Variants in DPYD observed in about 807,000 individuals in gnomAD.
The protein encoded by DPYD is dihydropyrimidine dehydrogenase.
A neutral mutation model predicts 116.2 loss-of-function variants in DPYD; 109 were observed. The ratio of observed to expected loss-of-function variants is 0.94; its 90% confidence interval spans 0.80 to 1.10. DPYD has a LOEUF of 1.10. Ranked by LOEUF, DPYD falls within the 50% of genes least tolerant of loss-of-function variation. The probability of loss-of-function intolerance (pLI) is 0.00; values close to 1 mark genes in which losing one functional copy is unlikely to be tolerated. For synonymous variants in DPYD, 440 were observed against 432.0 expected, an observed-to-expected ratio of 1.02 and a Z score of -0.23; for missense variants, 1,302 against 1,254.5, an observed-to-expected ratio of 1.04 and a Z score of -0.57.
intron 2 of DPYD, among the ~76,000 whole-genome samples, chr1:97,867,356 A>G (rs1218614248): frequency 1.3e-5 from 2 of 151,898 alleles, no homozygotes; most frequent in Non-Finnish European, 2.9e-5. Context: ...GAAGAACCAT[A>G]TGAATAATTG....
chr1:97,126,424 C>G (rs1486261674), intron 20 of DPYD, among the ~76,000 whole-genome samples: 3 of 152,126 alleles, frequency 2.0e-5, no homozygotes, highest in African/African-American at 7.2e-5. Flanking sequence ...CAAGCTTGTA[C>G]CAAATCAAAT....
At chr1:97,330,136 CT>C (rs1007809371) in intron 16 of DPYD, among the ~76,000 whole-genome samples, 85 of 151,958 alleles carry the variant, frequency 5.6e-4, no homozygotes, top group African/African-American at 1.9e-3. Context: ...ATTAAATTTC[CT>C]GTATTTTGCC....
At chr1:97,299,715 A>T (rs1666748756) in intron 18 of DPYD, among the ~76,000 whole-genome samples, 1 of 152,094 alleles carries the variant, frequency 6.6e-6, no homozygotes, top group African/African-American at 2.4e-5. Flanking sequence ...GCTGTACCTC[A>T]GACTCAGCAC....
intron 13 of DPYD, among the ~76,000 whole-genome samples, chr1:97,460,929 C>T (rs1374385311): frequency 6.6e-6 from 1 of 151,330 alleles, no homozygotes; most frequent in Non-Finnish European, 1.5e-5. Flanking sequence ...CCCAGCTACT[C>T]GGGAGGCTGA....
At chr1:97,292,891 T>G (rs1666304104) in intron 18 of DPYD, among the ~76,000 whole-genome samples, 1 of 152,134 alleles carries the variant, frequency 6.6e-6, no homozygotes, top group South Asian at 2.1e-4. Flanking sequence ...CTATTATGTT[T>G]TCATTTTAAC....
chr1:97,241,519 A>C (rs1270310615), intron 18 of DPYD, among the ~76,000 whole-genome samples: 1 of 152,018 alleles, frequency 6.6e-6, no homozygotes, highest in African/African-American at 2.4e-5. Context: ...CTGCGACATG[A>C]AAGTTCCCAT....
intron 18 of DPYD, among the ~76,000 whole-genome samples, chr1:97,291,508 TA>T (rs1666168494): frequency 6.6e-6 from 1 of 152,134 alleles, no homozygotes; most frequent in Non-Finnish European, 1.5e-5. Flanking sequence ...TATGCAGCCA[TA>T]AAAAATGATG....
chr1:97,390,031 A>G (rs1486365214), intron 14 of DPYD, among the ~76,000 whole-genome samples: 2 of 152,096 alleles, frequency 1.3e-5, no homozygotes, highest in Non-Finnish European at 2.9e-5. Flanking sequence ...ATTTCATTAA[A>G]GTTTACACAT....
At chr1:97,692,728 CA>C (rs1661077583) in intron 6 of DPYD, among the ~76,000 whole-genome samples, 1 of 151,984 alleles carries the variant, frequency 6.6e-6, no homozygotes, top group Admixed American at 6.5e-5. Context: ...GAAGGATACA[CA>C]AAAGATAATT....
At chr1:97,807,886 T>C (rs1361885908) in intron 3 of DPYD, among the ~76,000 whole-genome samples, 2 of 152,078 alleles carry the variant, frequency 1.3e-5, no homozygotes, top group Non-Finnish European at 1.5e-5. Flanking sequence ...TCCAGTATCA[T>C]TTATCGATTG....
At chr1:97,414,350 T>A (rs1236003494) in intron 14 of DPYD, among the ~76,000 whole-genome samples, 1 of 152,222 alleles carries the variant, frequency 6.6e-6, no homozygotes, top group Non-Finnish European at 1.5e-5. Flanking sequence ...TTAAGGCAAA[T>A]ATACAGTAGA....
chr1:97,678,989 T>C (rs942269359), intron 8 of DPYD, 106 bp downstream of exon 8: 4 of 519,408 alleles, frequency 7.7e-6, no homozygotes, highest in Non-Finnish European at 1.3e-5. Context: ...CCTGAACAAA[T>C]ATAACTTTCA....
intron 5 of DPYD, among the ~76,000 whole-genome samples, chr1:97,712,349 A>C (rs1662335687): frequency 6.6e-6 from 1 of 151,936 alleles, no homozygotes; most frequent in Non-Finnish European, 1.5e-5. Flanking sequence ...CCCAAAACTG[A>C]CCTTTTCTAT....
chr1:97,445,893 T>C (rs1358487662), intron 14 of DPYD, among the ~76,000 whole-genome samples: 2 of 151,928 alleles, frequency 1.3e-5, no homozygotes, highest in Non-Finnish European at 2.9e-5. Flanking sequence ...GCCTGACTAA[T>C]TTTTTGTATT....
chr1:97,373,681 G>A (rs1671429183), intron 15 of DPYD, 37 bp from the exon 16 acceptor site: 3 of 1,576,078 alleles, frequency 1.9e-6, no homozygotes, highest in South Asian at 2.2e-5. Context: ...AAAAGGCAAA[G>A]CTTTATTTAT....
intron 3 of DPYD, among the ~76,000 whole-genome samples, chr1:97,785,716 G>A (rs1430929833): frequency 5.5e-4 from 63 of 114,194 alleles, no homozygotes; most frequent in African/African-American, 2.2e-3. Context: ...TTTTTTAGAC[G>A]GAGTCTCGCT....
chr1:97,798,617 G>T (rs17117198), intron 3 of DPYD, among the ~76,000 whole-genome samples: 4,330 of 151,896 alleles, frequency 0.029, 202 homozygotes, highest in African/African-American at 0.095. Context: ...GTCCATGTAC[G>T]TACAATATGG....
chr1:97,586,788 T>C (rs974942336), intron 10 of DPYD, among the ~76,000 whole-genome samples: 2 of 151,842 alleles, frequency 1.3e-5, no homozygotes, highest in Admixed American at 6.6e-5. Context: ...TTCTTTATAC[T>C]CATGTCTTGA....
Position 97,685,790 on chromosome 1 carries a change from C to T in DPYD, c.762+5927G>A, listed in dbSNP as rs143460174. Among the ~76,000 whole-genome samples, 13 of 152,190 alleles carry T rather than the reference C, an allele frequency of 8.5e-5. No homozygotes were observed. The East Asian group carries it at 1.9e-3, about 23-fold the overall frequency. Reference sequence around the variant, plus strand: ...ACAACTAACAAGGAAAGTGAAAAACCTCTTCAAGAAGAACTACAAATCACT... The same window carrying T: ...ACAACTAACAAGGAAAGTGAAAAACTTCTTCAAGAAGAACTACAAATCACT... On this transcript the variant is annotated intron_variant, in intron 7 of 22. Coordinates refer to ENST00000370192, the MANE Select transcript of DPYD (RefSeq NM_000110.4).
Sources: gnomAD v4.1 joint callset for allele counts (sites outside exome capture counted in the v4.1 genomes callset) on GRCh38, gnomAD v4.1.1 for gene constraint, MANE v1.5 for transcripts, NCBI Gene and HGNC (gene_info 2026-07-23, HGNC 2026-07-21) for gene names.